SCLT1: variants seen among roughly 807,000 people sequenced by gnomAD.
SCLT1 encodes sodium channel and clathrin linker 1, also known as sodium channel-associated protein 1.
Under a neutral mutation model 112.8 loss-of-function variants are expected in SCLT1, and 78 were observed. The ratio of observed to expected loss-of-function variants is 0.69; its 90% confidence interval spans 0.58 to 0.83. The LOEUF (loss-of-function observed/expected upper bound fraction) is 0.83. SCLT1 is among the 40% of genes least tolerant of loss of function. The pLI, the probability that SCLT1 is intolerant of heterozygous loss-of-function variation, is 0.00. For synonymous variants in SCLT1, 257 were observed against 254.7 expected (o/e 1.01, Z -0.09); for missense variants, 747 against 770.4 (o/e 0.97, Z 0.36).
chr4:128,992,318 AG>A, intron 8 of SCLT1, 81 bp from the exon 9 acceptor site: 1 of 868,168 alleles, frequency 1.2e-6, no homozygotes, highest in Non-Finnish European at 1.8e-6. Context: ...ACATACAAGT[AG>A]AAAAAAAGTT....
chr4:129,068,715 CTG>C (rs2125747679), intron 2 of SCLT1, among the ~76,000 whole-genome samples: 1 of 152,284 alleles, frequency 6.6e-6, no homozygotes, highest in South Asian at 2.1e-4. Context: ...TTCTCCCACT[CTG>C]TGGATTGTCT....
intron 2 of SCLT1, among the ~76,000 whole-genome samples, chr4:129,057,878 A>T (rs1042586010): frequency 6.6e-6 from 1 of 151,952 alleles, no homozygotes; most frequent in African/African-American, 2.4e-5. Flanking sequence ...CAGTCATCCA[A>T]GTAACTGAAA....
At chr4:129,042,228 T>A (rs1023101279) in intron 4 of SCLT1, among the ~76,000 whole-genome samples, 3 of 152,210 alleles carry the variant, frequency 2.0e-5, no homozygotes, top group South Asian at 2.1e-4. Flanking sequence ...GCTTGAGTCA[T>A]ATAAGTTCTA....
At chr4:129,081,617 A>C (rs1421219196) in intron 2 of SCLT1, among the ~76,000 whole-genome samples, 6 of 152,178 alleles carry the variant, frequency 3.9e-5, no homozygotes, top group Admixed American at 3.9e-4. Context: ...AGAACTCACT[A>C]TCACGAGAAG....
intron 9 of SCLT1, among the ~76,000 whole-genome samples, chr4:128,982,833 G>A (rs1741778294): frequency 6.6e-6 from 1 of 151,958 alleles, no homozygotes; most frequent in African/African-American, 2.4e-5. Flanking sequence ...ATATTCTGAT[G>A]ATGCCACTCT....
intron 5 of SCLT1, among the ~76,000 whole-genome samples, chr4:129,028,215 C>G (rs950840029): frequency 6.6e-6 from 1 of 152,098 alleles, no homozygotes; most frequent in Non-Finnish European, 1.5e-5. Flanking sequence ...GCCCGCATCG[C>G]CAAGTCAATC....
intron 9 of SCLT1, among the ~76,000 whole-genome samples, chr4:128,978,931 C>T (rs1222047269): frequency 6.6e-6 from 1 of 152,040 alleles, no homozygotes; most frequent in Non-Finnish European, 1.5e-5. Context: ...TACTCTGGTC[C>T]TAGAAATTAC....
intron 9 of SCLT1, among the ~76,000 whole-genome samples, chr4:128,972,758 T>C (rs1352630702): frequency 6.6e-6 from 1 of 152,222 alleles, no homozygotes; most frequent in East Asian, 1.9e-4. Context: ...TTCCAGTAGA[T>C]TCCAAACTCA....
chr4:129,076,568 C>A (rs1244490259), intron 2 of SCLT1, among the ~76,000 whole-genome samples: 1 of 152,012 alleles, frequency 6.6e-6, no homozygotes, highest in South Asian at 2.1e-4. Context: ...GTCCCTTCAG[C>A]AAGTACCAAG....
At chr4:129,014,982 G>A (rs1014437310) in intron 5 of SCLT1, among the ~76,000 whole-genome samples, 3 of 152,114 alleles carry the variant, frequency 2.0e-5, no homozygotes, top group Non-Finnish European at 4.4e-5. Flanking sequence ...GGTAGGCACA[G>A]GTCTGTGTGC....
intron 5 of SCLT1, among the ~76,000 whole-genome samples, chr4:129,026,849 TA>T (rs1246265171): frequency 9.9e-5 from 15 of 151,916 alleles, no homozygotes; most frequent in Non-Finnish European, 2.2e-4. Flanking sequence ...ATAGACGCAA[TA>T]AAAAATGATA....
At chr4:129,023,844 G>A (rs1042650964) in intron 5 of SCLT1, among the ~76,000 whole-genome samples, 2 of 152,198 alleles carry the variant, frequency 1.3e-5, no homozygotes, top group Non-Finnish European at 2.9e-5. Context: ...CTAATACTGC[G>A]CTTTTCCGAC....
intron 3 of SCLT1, among the ~76,000 whole-genome samples, chr4:128,878,787 C>A (rs1035389037): frequency 5.3e-5 from 8 of 152,192 alleles, no homozygotes; most frequent in Non-Finnish European, 1.0e-4. Context: ...TTGCTTAGAT[C>A]TATTTTTTTC....
chr4:128,970,652 A>G, intron 9 of SCLT1, 184 bp from the exon 10 acceptor site: 1 of 545,080 alleles, frequency 1.8e-6, no homozygotes. Context: ...ATTAAAGAGG[A>G]AAAAATATAG....
intron 2 of SCLT1, among the ~76,000 whole-genome samples, chr4:129,081,023 C>T (rs541469873): frequency 2.6e-4 from 39 of 152,154 alleles, no homozygotes; most frequent in African/African-American, 8.9e-4. Context: ...AGCGGCATTC[C>T]ACAGGTTGCC....
intron 18 of SCLT1, among the ~76,000 whole-genome samples, chr4:128,917,872 C>T (rs1483196864): frequency 6.6e-6 from 1 of 152,078 alleles, no homozygotes. Context: ...GAGATCCTCT[C>T]CATCGTTGAT....
chr4:128,923,132 T>C (rs1437340767), intron 18 of SCLT1, among the ~76,000 whole-genome samples: 1 of 152,214 alleles, frequency 6.6e-6, no homozygotes, highest in South Asian at 2.1e-4. Context: ...CATACACTCA[T>C]GTAACCACCG....
At chr4:129,031,962 A>G (rs1260504487) in intron 5 of SCLT1, among the ~76,000 whole-genome samples, 1 of 152,192 alleles carries the variant, frequency 6.6e-6, no homozygotes, top group African/African-American at 2.4e-5. Context: ...TTTAAATTTC[A>G]TATGGAATCA....
At chr4:129,033,097 TGA>T (rs1348877801) in intron 5 of SCLT1, among the ~76,000 whole-genome samples, 5 of 152,084 alleles carry the variant, frequency 3.3e-5, no homozygotes, top group African/African-American at 1.2e-4. Flanking sequence ...TGCCCATCAA[TGA>T]GAGACTGGAT....
Sources: gnomAD v4.1 joint callset for allele counts (sites outside exome capture counted in the v4.1 genomes callset) on GRCh38, gnomAD v4.1.1 for gene constraint, MANE v1.5 for transcripts, NCBI Gene and HGNC (gene_info 2026-07-23, HGNC 2026-07-21) for gene names.